TDRD5: variants seen among roughly 807,000 people sequenced by gnomAD.
TDRD5 encodes tudor domain-containing protein 5.
Under a neutral mutation model 120.6 loss-of-function variants are expected in TDRD5, and 41 were observed. The observed-to-expected ratio is 0.34, with a 90% CI of 0.26 to 0.44. The LOEUF (loss-of-function observed/expected upper bound fraction) is 0.44, where lower values mean the gene tolerates loss of function less well. Ranked by LOEUF, TDRD5 falls within the 20% of genes least tolerant of loss-of-function variation. TDRD5 has a pLI of 1.00. For missense variants in TDRD5, 1,006 were observed against 1,221.2 expected (o/e 0.82, Z 2.63); for synonymous variants, 430 against 433.7 (o/e 0.99, Z 0.11).
chr1:179,662,377 G>T (rs1679359730), intron 15 of TDRD5, 91 bp downstream of exon 15: 2 of 1,378,936 alleles, frequency 1.5e-6, no homozygotes, highest in East Asian at 5.2e-5. Context: ...AAGGTGGGTG[G>T]ATCAGTTGAG....
intron 6 of TDRD5, among the ~76,000 whole-genome samples, chr1:179,628,977 A>G (rs1483733272): frequency 6.6e-6 from 1 of 152,110 alleles, no homozygotes; most frequent in Non-Finnish European, 1.5e-5. Flanking sequence ...TTTATTTTTA[A>G]AATAGTTCCT....
chr1:179,684,892 G>T (rs140396914), intron 17 of TDRD5, among the ~76,000 whole-genome samples: 3,187 of 152,052 alleles, frequency 0.021, 97 homozygotes, highest in African/African-American at 0.07. Context: ...TTTTGATGGG[G>T]TTGATTTTTT....
intron 17 of TDRD5, among the ~76,000 whole-genome samples, chr1:179,680,336 C>G (rs1374103094): frequency 6.6e-6 from 1 of 152,144 alleles, no homozygotes; most frequent in Non-Finnish European, 1.5e-5. Context: ...TTTGAATCGT[C>G]TGTATCCTTA....
chr1:179,642,589 A>G (rs2102033268), intron 11 of TDRD5, among the ~76,000 whole-genome samples: 1 of 152,256 alleles, frequency 6.6e-6, no homozygotes, highest in South Asian at 2.1e-4. Flanking sequence ...ATTCATTGTC[A>G]CCTTGTTTTA....
chr1:179,598,835 T>G (rs770021605), intron 4 of TDRD5, among the ~76,000 whole-genome samples: 9 of 152,096 alleles, frequency 5.9e-5, no homozygotes, highest in Non-Finnish European at 1.2e-4. Flanking sequence ...ACAGTTTTAC[T>G]TCCTCCTTTT....
Position 179,593,746 on chromosome 1 carries a change from C to G in TDRD5, c.519C>G (p.Leu173=). ...RSFQYMQYGF[L]SMFEVLNAAS... ...TCCAATACATGCAATATGGATTTCT[C>G]TCTATGTTTGAAGTGCTTAATGCGG... Residue 173 remains leucine, a synonymous_variant, in exon 3 of 18, where the codon CTC becomes CTG. Coordinates refer to ENST00000444136, the MANE Select transcript of TDRD5 (RefSeq NM_001199085.3). 6.2e-7 allele frequency: 1 copy of G among 1,614,208 alleles called. No homozygotes were observed. The highest frequency in any genetic ancestry group is 2.2e-5 in the East Asian group (1 of 44,890).
chr1:179,679,532 T>G (rs1281669390), intron 17 of TDRD5, among the ~76,000 whole-genome samples: 1 of 152,152 alleles, frequency 6.6e-6, no homozygotes, highest in Non-Finnish European at 1.5e-5. Context: ...TATTTTAAGC[T>G]AATGTCTTTA....
intron 17 of TDRD5, among the ~76,000 whole-genome samples, chr1:179,690,163 A>G (rs1681055382): frequency 6.6e-6 from 1 of 152,188 alleles, no homozygotes; most frequent in African/African-American, 2.4e-5. Flanking sequence ...GGAGCTGTAG[A>G]CTGGAGCTGT....
intron 5 of TDRD5, among the ~76,000 whole-genome samples, chr1:179,620,717 A>G (rs1162615689): frequency 6.6e-6 from 1 of 152,054 alleles, no homozygotes; most frequent in East Asian, 1.9e-4. Context: ...AAACTGTGCT[A>G]TAGGATGTTT....
Position 179,618,701 on chromosome 1 carries a change from TG to T in TDRD5, c.915+22del. 1 of 1,508,100 alleles carries T rather than the reference TG, an allele frequency of 6.6e-7. No individual in the cohort carries two copies. Among genetic ancestry groups the T allele is most frequent in the South Asian group, 1.3e-5 (1 of 77,404 alleles). 93.4% of individuals were successfully genotyped at this position (1,508,100 alleles called of 1,614,324 possible). On this transcript the variant is annotated intron_variant, in intron 5 of 17. Coordinates refer to ENST00000444136, the MANE Select transcript of TDRD5 (RefSeq NM_001199085.3). ...AAAATTTGTAAGTAATTTCTGTTTC[TG>T]GGAGACAATAATAATTGATTTATAA... is the stretch of plus-strand genomic sequence containing the variant.
chr1:179,668,844 G>A (rs761821474), intron 16 of TDRD5, among the ~76,000 whole-genome samples: 2 of 145,706 alleles, frequency 1.4e-5, no homozygotes, highest in African/African-American at 2.5e-5. Context: ...CCAGGTTCAC[G>A]CCATTCTCCT....
intron 7 of TDRD5, among the ~76,000 whole-genome samples, chr1:179,633,242 C>G (rs1236692805): frequency 2.0e-5 from 3 of 152,064 alleles, no homozygotes; most frequent in African/African-American, 7.2e-5. Flanking sequence ...TAGGATTGTT[C>G]CCATTTTTTC....
At chr1:179,679,369 A>G (rs1410389072) in intron 17 of TDRD5, among the ~76,000 whole-genome samples, 1 of 152,084 alleles carries the variant, frequency 6.6e-6, no homozygotes, top group Non-Finnish European at 1.5e-5. Flanking sequence ...CCAGATAATG[A>G]TGCTGTCATA....
At chr1:179,608,320 T>C (rs1273688525) in intron 4 of TDRD5, among the ~76,000 whole-genome samples, 2 of 152,064 alleles carry the variant, frequency 1.3e-5, no homozygotes, top group Non-Finnish European at 2.9e-5. Flanking sequence ...GAGCTTCTTG[T>C]ATGTGGGTTT....
At position 179,595,715 on chromosome 1, in the gene TDRD5, C is replaced by T. The variant is rs995006470; in HGVS notation, c.728C>T (p.Thr243Ile). 2 of 1,613,720 alleles carry T rather than the reference C, an allele frequency of 1.2e-6. No homozygotes were observed. Among genetic ancestry groups the T allele is most frequent in the African/African-American group, 2.7e-5 (2 of 74,912 alleles). ...GCAAAGCCATGCTTTTCACAACCCA[C>T]TTCAAACATGGAACCACCGAAGCAA... ...PVAKPCFSQPTSNMEPPKQIM... is the reference protein window; with the variant it reads ...PVAKPCFSQPISNMEPPKQIM... Residue 243 changes from threonine to isoleucine, a missense_variant, in exon 4 of 18, where the codon ACT becomes ATT. Coordinates refer to ENST00000444136, the MANE Select transcript of TDRD5 (RefSeq NM_001199085.3).
intron 4 of TDRD5, among the ~76,000 whole-genome samples, chr1:179,608,620 AC>A (rs1159643854): frequency 1.3e-5 from 2 of 151,686 alleles, no homozygotes; most frequent in African/African-American, 4.8e-5. Context: ...TTTTTAATAT[AC>A]TCATTTCTTC....
intron 16 of TDRD5, among the ~76,000 whole-genome samples, chr1:179,666,579 T>G (rs1679562673): frequency 6.6e-6 from 1 of 152,228 alleles, no homozygotes; most frequent in African/African-American, 2.4e-5. Flanking sequence ...CCCGACGTAA[T>G]TTGTAGGCTT....
chr1:179,648,741 A>G (rs573362317), intron 11 of TDRD5, among the ~76,000 whole-genome samples: 13 of 152,138 alleles, frequency 8.5e-5, no homozygotes, highest in East Asian at 3.9e-4. Context: ...ATCTATCTAA[A>G]TGAGACGTGG....
At chr1:179,670,121 A>T (rs1045078620) in intron 17 of TDRD5, among the ~76,000 whole-genome samples, 2 of 152,122 alleles carry the variant, frequency 1.3e-5, no homozygotes, top group African/African-American at 4.8e-5. Context: ...GCTGGGCACG[A>T]TGGCTCACGC....
Sources: gnomAD v4.1 joint callset for allele counts (sites outside exome capture counted in the v4.1 genomes callset) on GRCh38, gnomAD v4.1.1 for gene constraint, MANE v1.5 for transcripts, NCBI Gene and HGNC (gene_info 2026-07-23, HGNC 2026-07-21) for gene names.